The following EMCN variants were observed in gnomAD, a reference collection of about 807,000 sequenced individuals.
The protein encoded by EMCN is endomucin.
A neutral mutation model predicts 38.4 loss-of-function variants in EMCN; 37 were observed. The ratio of observed to expected loss-of-function variants is 0.96; its 90% CI spans 0.74 to 1.27. The LOEUF is 1.27. EMCN is among the 50% of genes most tolerant of loss of function. The probability of loss-of-function intolerance (pLI) is 0.00; values close to 1 mark genes in which losing one functional copy is unlikely to be tolerated. For missense variants in EMCN, 318 were observed against 302.8 expected (o/e 1.05, Z -0.37); for synonymous variants, 95 against 100.8 (o/e 0.94, Z 0.35).
At chr4:100,510,379 T>A (rs1238116702) in intron 1 of EMCN, among the ~76,000 whole-genome samples, 1 of 152,198 alleles carries the variant, frequency 6.6e-6, no homozygotes, top group African/African-American at 2.4e-5. Context: ...TACTTGGCAG[T>A]CATCTTACAA....
intron 1 of EMCN, among the ~76,000 whole-genome samples, chr4:100,480,911 T>G (rs995364281): frequency 1.3e-5 from 2 of 152,050 alleles, no homozygotes; most frequent in African/African-American, 4.8e-5. Flanking sequence ...AAGATTTAAC[T>G]CAGTGTTCTA....
At chr4:100,515,553 A>G (rs890412850) in intron 1 of EMCN, among the ~76,000 whole-genome samples, 2 of 152,096 alleles carry the variant, frequency 1.3e-5, no homozygotes, top group African/African-American at 4.8e-5. Context: ...ACATCAGAAG[A>G]AAAGAAAAGT....
intron 5 of EMCN, among the ~76,000 whole-genome samples, chr4:100,429,019 A>T (rs1433390087): frequency 6.6e-6 from 1 of 152,194 alleles, no homozygotes; most frequent in African/African-American, 2.4e-5. Context: ...AATAAAAAGA[A>T]CTTGAGGAGC....
intron 3 of EMCN, among the ~76,000 whole-genome samples, chr4:100,469,486 A>AGATTAGAT (rs1560628458): frequency 6.0e-4 from 37 of 61,438 alleles, no homozygotes; most frequent in South Asian, 1.1e-3. Flanking sequence ...CAAAATGAAA[A>AGATTAGAT]AGCAGCTTAC....
intron 8 of EMCN, among the ~76,000 whole-genome samples, chr4:100,419,540 C>T (rs528581491): frequency 6.6e-6 from 1 of 152,234 alleles, no homozygotes; most frequent in South Asian, 2.1e-4. Context: ...TCAAATAATA[C>T]ATTCTTAAAT....
chr4:100,504,784 A>G (rs542023324), intron 1 of EMCN, among the ~76,000 whole-genome samples: 5 of 152,292 alleles, frequency 3.3e-5, no homozygotes, highest in African/African-American at 4.8e-5. Flanking sequence ...GAGAAAGGGA[A>G]TCTCCCTTTT....
chr4:100,480,567 T>C (rs1728780020), intron 1 of EMCN, among the ~76,000 whole-genome samples: 2 of 145,632 alleles, frequency 1.4e-5, no homozygotes, highest in Admixed American at 7.4e-5. Context: ...TACATATATG[T>C]GTATATATAT....
Position 100,481,031 on chromosome 4 carries a change from A to C in EMCN, c.65-992T>G, listed in dbSNP as rs530408685. ...TCTGGAAATACAGTTTTATGTTAAA[A>C]ATCAAAATACAGCGAGCAAGTGTAT... On this transcript the variant is annotated intron_variant, in intron 1 of 11. Transcript: ENST00000296420. Among the ~76,000 whole-genome samples, 18 of 152,216 alleles carry C rather than the reference A, an allele frequency of 1.2e-4. 1 individual carries two copies. In the South Asian group the frequency reaches 3.5e-3, roughly 30 times the overall value.
At chr4:100,404,697 C>G (rs946764707) in intron 11 of EMCN, among the ~76,000 whole-genome samples, 3 of 152,072 alleles carry the variant, frequency 2.0e-5, no homozygotes, top group African/African-American at 7.2e-5. Context: ...TATTTGGGCT[C>G]TCTTTTGGAT....
chr4:100,487,555 A>T (rs972677702), intron 1 of EMCN, among the ~76,000 whole-genome samples: 1 of 152,164 alleles, frequency 6.6e-6, no homozygotes, highest in Non-Finnish European at 1.5e-5. Context: ...TTGAATTGTG[A>T]TCTCCATAAT....
intron 1 of EMCN, among the ~76,000 whole-genome samples, chr4:100,491,261 T>C (rs568681005): frequency 2.0e-5 from 3 of 152,318 alleles, no homozygotes; most frequent in African/African-American, 7.2e-5. Context: ...TTCCATAGGT[T>C]GATGAATCTA....
At chr4:100,456,933 G>A (rs1275182312) in intron 4 of EMCN, among the ~76,000 whole-genome samples, 2 of 152,048 alleles carry the variant, frequency 1.3e-5, no homozygotes, top group Admixed American at 1.3e-4. Context: ...CATGAGAATT[G>A]TGGATTTGTG....
At chr4:100,408,130 G>A (rs1726446085) in intron 11 of EMCN, among the ~76,000 whole-genome samples, 1 of 152,106 alleles carries the variant, frequency 6.6e-6, no homozygotes, top group Admixed American at 6.6e-5. Flanking sequence ...GTATGGTTTT[G>A]TTGAATTCCT....
intron 8 of EMCN, among the ~76,000 whole-genome samples, chr4:100,419,020 G>T (rs1028618322): frequency 2.0e-5 from 3 of 151,986 alleles, no homozygotes; most frequent in African/African-American, 7.2e-5. Flanking sequence ...AGCGTACGAG[G>T]TTTCCCTTTT....
At chr4:100,451,434 A>G (rs1560620515) in intron 4 of EMCN, among the ~76,000 whole-genome samples, 2 of 151,898 alleles carry the variant, frequency 1.3e-5, no homozygotes, top group African/African-American at 2.4e-5. Context: ...CAAATGAAAA[A>G]TATACACATT....
intron 5 of EMCN, among the ~76,000 whole-genome samples, 184 bp downstream of exon 5, chr4:100,447,349 T>C (rs1727701129): frequency 6.6e-6 from 1 of 152,134 alleles, no homozygotes; most frequent in South Asian, 2.1e-4. Context: ...CTTAGACATG[T>C]CCTTATATGT....
At chr4:100,467,733 T>C (rs2110266168) in intron 3 of EMCN, among the ~76,000 whole-genome samples, 2 of 152,100 alleles carry the variant, frequency 1.3e-5, no homozygotes, top group East Asian at 3.9e-4. Flanking sequence ...TTAACATCTT[T>C]TTGAGAAAAT....
At chr4:100,446,346 T>C (rs1727671494) in intron 5 of EMCN, 2 of 211,492 alleles carry the variant, frequency 9.5e-6, no homozygotes, top group African/African-American at 4.7e-5. Context: ...ATAACTTCTT[T>C]AATAATGAGA....
At chr4:100,493,253 C>CT (rs1560639449) in intron 1 of EMCN, among the ~76,000 whole-genome samples, 1 of 152,168 alleles carries the variant, frequency 6.6e-6, no homozygotes, top group African/African-American at 2.4e-5. Context: ...ATTTTGTCAA[C>CT]TTTGATGACC....
Sources: allele counts gnomAD v4.1 joint callset (sites outside exome capture counted in the v4.1 genomes callset), GRCh38; gene constraint gnomAD v4.1.1; transcripts MANE v1.5; gene names NCBI Gene and HGNC (gene_info 2026-07-23, HGNC 2026-07-21).